The following GPATCH2 variants were observed in gnomAD, a reference collection of about 807,000 sequenced individuals.
The protein encoded by GPATCH2 is G-patch domain containing 2.
A neutral mutation model predicts 58.0 loss-of-function variants in GPATCH2; 51 were observed. That is an observed-to-expected ratio of 0.88 (90% CI 0.70 to 1.11). GPATCH2 has a LOEUF of 1.11. GPATCH2 is among the 50% of genes most tolerant of loss of function. GPATCH2 has a pLI of 0.00. For synonymous variants in GPATCH2, 222 were observed against 218.5 expected (o/e 1.02, Z -0.14); for missense variants, 625 against 652.2 (o/e 0.96, Z 0.45).
chr1:217,529,233 T>C (rs1664069316), intron 5 of GPATCH2, among the ~76,000 whole-genome samples: 1 of 152,150 alleles, frequency 6.6e-6, no homozygotes, highest in African/African-American at 2.4e-5. Context: ...GGAAAATCTT[T>C]TTCACTTCCT....
chr1:217,534,406 C>G (rs1265956876), intron 5 of GPATCH2, among the ~76,000 whole-genome samples: 1 of 152,112 alleles, frequency 6.6e-6, no homozygotes, highest in Non-Finnish European at 1.5e-5. Context: ...TTATTATCAA[C>G]TGGGTAAAGT....
At chr1:217,481,100 A>C (rs1441540217) in intron 8 of GPATCH2, among the ~76,000 whole-genome samples, 1 of 152,202 alleles carries the variant, frequency 6.6e-6, no homozygotes, top group Non-Finnish European at 1.5e-5. Context: ...TTGATAGGAC[A>C]ACAAGTGACT....
chr1:217,538,491 G>C (rs1664582563), intron 5 of GPATCH2, among the ~76,000 whole-genome samples: 1 of 152,126 alleles, frequency 6.6e-6, no homozygotes, highest in African/African-American at 2.4e-5. Flanking sequence ...TACTTCACCA[G>C]ATTTTATGGG....
intron 9 of GPATCH2, among the ~76,000 whole-genome samples, chr1:217,447,140 A>G (rs1659428693): frequency 6.6e-6 from 1 of 152,222 alleles, no homozygotes; most frequent in Non-Finnish European, 1.5e-5. Context: ...TGCAAGACTG[A>G]TGACATGTGT....
intron 1 of GPATCH2, among the ~76,000 whole-genome samples, chr1:217,625,559 C>T (rs1669411275): frequency 2.0e-5 from 3 of 151,920 alleles, no homozygotes; most frequent in Admixed American, 6.6e-5. Context: ...AATTGCTATT[C>T]CTAATAGTGA....
Position 217,427,788 on chromosome 1 carries a change from C to T in GPATCH2, c.*3357G>A, listed in dbSNP as rs1658387326. On this transcript the variant is annotated 3_prime_UTR_variant, in exon 10 of 10. Transcript: ENST00000366935. ...TAGAAGCAATTGTCAGTTCAATTTA[C>T]AAGAATGCCAATTCTCAATATTAAA... 1 of 152,028 alleles carries T rather than the reference C, an allele frequency of 6.6e-6. No individual in the cohort carries two copies. Among genetic ancestry groups the T allele is most frequent in the Non-Finnish European group, 1.5e-5 (1 of 67,976 alleles). The allele number at this position is 152,028 out of a possible 1,614,324, so 9.4% of individuals were successfully genotyped here. A position where few individuals can be genotyped will look rare whatever the true frequency, so the allele number is the denominator to read the frequency against.
intron 8 of GPATCH2, among the ~76,000 whole-genome samples, chr1:217,456,567 T>G (rs1225676476): frequency 2.0e-5 from 3 of 151,712 alleles, no homozygotes; most frequent in African/African-American, 7.3e-5. Flanking sequence ...TGCAAGGAGG[T>G]GAGATGCAGG....
chr1:217,452,798 T>C (rs562742701), intron 8 of GPATCH2, among the ~76,000 whole-genome samples: 1 of 152,198 alleles, frequency 6.6e-6, no homozygotes, highest in South Asian at 2.1e-4. Flanking sequence ...GAGAAAAATG[T>C]TCAAGGAGAA....
Position 217,525,069 on chromosome 1 carries a change from T to C in GPATCH2, c.1099-10180A>G, listed in dbSNP as rs112875593. The stretch of plus-strand genomic sequence containing the variant: ...TTAATTCACTTCATCCTTTACCCAA[T>C]CTATTTACCTAAATATACTCTATTA... On this transcript the variant is annotated intron_variant, in intron 5 of 9. Coordinates refer to ENST00000366935, the MANE Select transcript of GPATCH2 (RefSeq NM_018040.5). 4.4e-3 allele frequency among the ~76,000 whole-genome samples: 666 copies of C among 151,414 alleles called. 5 individuals carry two copies. The highest frequency in any genetic ancestry group is 0.015 in the African/African-American group (637 of 41,362).
chr1:217,485,459 CT>C (rs56048191), intron 8 of GPATCH2, among the ~76,000 whole-genome samples: 15,799 of 136,864 alleles, frequency 0.12, 732 homozygotes, highest in Middle Eastern at 0.22. Context: ...GGTTGAATAT[CT>C]TTTTTTTTTT....
intron 5 of GPATCH2, among the ~76,000 whole-genome samples, chr1:217,578,619 C>T (rs574170727): frequency 2.2e-4 from 34 of 152,180 alleles, no homozygotes; most frequent in Admixed American, 3.9e-4. Flanking sequence ...TCTTTTCTTA[C>T]ATCAAAGTTT....
intron 7 of GPATCH2, among the ~76,000 whole-genome samples, chr1:217,497,144 A>T (rs1229876209): frequency 1.3e-5 from 2 of 152,172 alleles, no homozygotes; most frequent in African/African-American, 4.8e-5. Context: ...GAGCTTTATA[A>T]AATTGTATTT....
At chr1:217,533,246 A>G (rs192831583) in intron 5 of GPATCH2, among the ~76,000 whole-genome samples, 16 of 151,630 alleles carry the variant, frequency 1.1e-4, no homozygotes, top group South Asian at 6.3e-4. Flanking sequence ...CAAACTTTAT[A>G]CTCTTAAAAA....
At position 217,541,928 on chromosome 1, in the gene GPATCH2, T is replaced by C. The variant is rs546453156; in HGVS notation, c.1099-27039A>G. Among the ~76,000 whole-genome samples, 262 of 152,300 alleles carry C rather than the reference T, an allele frequency of 1.7e-3. 3 individuals are homozygous for C. Among genetic ancestry groups the C allele is most frequent in the Non-Finnish European group, 2.0e-3 (133 of 68,032 alleles). On this transcript the variant is annotated intron_variant, in intron 5 of 9. Transcript: ENST00000366935. ...CTTTCACAAGCTACATTTTAGGTAT[T>C]CCATCTGGGAAGATTGAAGTAGAGT...
intron 5 of GPATCH2, among the ~76,000 whole-genome samples, chr1:217,551,136 G>A (rs756391962): frequency 4.0e-5 from 6 of 149,952 alleles, no homozygotes; most frequent in Non-Finnish European, 8.9e-5. Flanking sequence ...AAAAAAAACA[G>A]AGAGAAACCT....
chr1:217,438,253 A>G (rs1037502140), intron 9 of GPATCH2, among the ~76,000 whole-genome samples: 10 of 152,232 alleles, frequency 6.6e-5, no homozygotes, highest in Non-Finnish European at 1.3e-4. Context: ...GACCAAAGGT[A>G]GATAAATCCA....
At chr1:217,619,194 TAAC>T (rs1198539648) in intron 2 of GPATCH2, among the ~76,000 whole-genome samples, 2 of 152,164 alleles carry the variant, frequency 1.3e-5, no homozygotes, top group Non-Finnish European at 2.9e-5. Flanking sequence ...AAATAGTACT[TAAC>T]AATTATTGAC....
At chr1:217,496,071 T>C (rs1432276759) in intron 7 of GPATCH2, among the ~76,000 whole-genome samples, 2 of 152,220 alleles carry the variant, frequency 1.3e-5, no homozygotes, top group Admixed American at 6.5e-5. Flanking sequence ...TACTTCATGG[T>C]CTTGCATTTC....
intron 5 of GPATCH2, among the ~76,000 whole-genome samples, chr1:217,539,440 G>T (rs1398541671): frequency 6.6e-6 from 1 of 152,096 alleles, no homozygotes; most frequent in East Asian, 1.9e-4. Flanking sequence ...TGTTCCCCTG[G>T]TACTGTACAA....
Sources: allele counts gnomAD v4.1 joint callset (sites outside exome capture counted in the v4.1 genomes callset), GRCh38; gene constraint gnomAD v4.1.1; transcripts MANE v1.5; gene names NCBI Gene and HGNC (gene_info 2026-07-23, HGNC 2026-07-21).